CTNNA3: variants seen among roughly 807,000 people sequenced by gnomAD.
CTNNA3 encodes the protein catenin alpha 3, also known as catenin alpha-3.
Under a neutral mutation model 95.7 loss-of-function variants are expected in CTNNA3, and 76 were observed. The observed-to-expected ratio is 0.79, with a 90% CI of 0.66 to 0.96. The LOEUF (loss-of-function observed/expected upper bound fraction) is 0.96. Ranked by LOEUF, CTNNA3 falls within the 40% of genes least tolerant of loss-of-function variation. The pLI is 0.00. For synonymous variants in CTNNA3, 431 were observed against 374.4 expected (o/e 1.15, Z -1.74); for missense variants, 1,191 against 1,089.8 (o/e 1.09, Z -1.31).
At chr10:66,680,265 C>T (rs1397918860) in intron 9 of CTNNA3, among the ~76,000 whole-genome samples, 2 of 151,966 alleles carry the variant, frequency 1.3e-5, no homozygotes, top group Non-Finnish European at 1.5e-5. Context: ...CTCCTGACCT[C>T]GTGATCCTCC....
intron 7 of CTNNA3, among the ~76,000 whole-genome samples, chr10:66,922,615 C>T (rs1846850398): frequency 6.6e-6 from 1 of 152,158 alleles, no homozygotes; most frequent in Admixed American, 6.5e-5. Context: ...AAGTAGGGGC[C>T]ATACACAGTT....
At chr10:67,737,099 G>A (rs925591100) in intron 1 of CTNNA3, among the ~76,000 whole-genome samples, 4 of 151,940 alleles carry the variant, frequency 2.6e-5, no homozygotes, top group Non-Finnish European at 5.9e-5. Context: ...GAGTAGCTGG[G>A]ATTACAGGCA....
At chr10:66,479,768 T>A in intron 11 of CTNNA3, among the ~76,000 whole-genome samples, 1 of 136,958 alleles carries the variant, frequency 7.3e-6, no homozygotes, top group East Asian at 7.2e-4. Context: ...GGTGTGTTTT[T>A]AACTGCATCA....
intron 5 of CTNNA3, among the ~76,000 whole-genome samples, chr10:67,375,588 G>A (rs1408046111): frequency 6.6e-6 from 1 of 151,778 alleles, no homozygotes; most frequent in African/African-American, 2.4e-5. Flanking sequence ...GGGCAATAGA[G>A]CAAGACTCTG....
chr10:66,644,087 G>A (rs1439268440), intron 9 of CTNNA3, among the ~76,000 whole-genome samples: 6 of 151,798 alleles, frequency 4.0e-5, no homozygotes, highest in Non-Finnish European at 8.8e-5. Flanking sequence ...ACAAGCCCCC[G>A]TCTCTGCAAA....
chr10:66,104,935 T>C (rs1350125740), intron 13 of CTNNA3, among the ~76,000 whole-genome samples: 5 of 152,218 alleles, frequency 3.3e-5, no homozygotes, highest in Non-Finnish European at 5.9e-5. Context: ...TCATATTATA[T>C]AGCAAAACTA....
chr10:67,088,501 A>C (rs920731510), intron 7 of CTNNA3, among the ~76,000 whole-genome samples: 2 of 151,936 alleles, frequency 1.3e-5, no homozygotes, highest in Non-Finnish European at 2.9e-5. Context: ...CGGTGCCTGC[A>C]TTACATAAGA....
intron 7 of CTNNA3, among the ~76,000 whole-genome samples, chr10:67,122,065 C>A (rs909157611): frequency 7.0e-6 from 1 of 143,052 alleles, no homozygotes. Flanking sequence ...CAGTCAAGGA[C>A]GTGAAGAAGG....
intron 7 of CTNNA3, among the ~76,000 whole-genome samples, chr10:66,898,912 C>T (rs1440077444): frequency 6.6e-6 from 1 of 152,104 alleles, no homozygotes; most frequent in African/African-American, 2.4e-5. Context: ...AAACAATAAA[C>T]AGAATGAAAA....
chr10:67,584,285 C>T (rs1842537117), intron 3 of CTNNA3, among the ~76,000 whole-genome samples: 1 of 152,184 alleles, frequency 6.6e-6, no homozygotes. Flanking sequence ...TTCCTTCTAA[C>T]AGTCAGGACC....
chr10:66,799,231 G>C (rs1439115216), intron 7 of CTNNA3, among the ~76,000 whole-genome samples: 2 of 151,530 alleles, frequency 1.3e-5, no homozygotes, highest in Non-Finnish European at 3.0e-5. Context: ...TCATGTAAAG[G>C]AGTATAAAAG....
rs191288170 is a variant in CTNNA3, at chr10:66,265,365, C to T, written c.1884+15105G>A. ...GTGGTAGTACTGCTTGATTAACATA[C>T]TTTTGGAAAGTCAACATTCAACAAA... On this transcript the variant is annotated intron_variant, in intron 13 of 17. Transcript: ENST00000433211. 7.3e-4 allele frequency among the ~76,000 whole-genome samples: 111 copies of T among 152,084 alleles called. No homozygotes were observed. In the East Asian group the frequency reaches 0.015, roughly 20 times the overall value.
At chr10:66,968,085 G>A (rs557576061) in intron 7 of CTNNA3, among the ~76,000 whole-genome samples, 2 of 152,084 alleles carry the variant, frequency 1.3e-5, no homozygotes, top group African/African-American at 2.4e-5. Context: ...TTTGCCCCAT[G>A]ACTGCTGAGC....
chr10:66,003,652 T>C (rs534740044), intron 15 of CTNNA3, among the ~76,000 whole-genome samples: 12 of 152,190 alleles, frequency 7.9e-5, no homozygotes, highest in Admixed American at 2.0e-4. Flanking sequence ...GTAAACCAAA[T>C]AATTTTGATT....
intron 5 of CTNNA3, among the ~76,000 whole-genome samples, chr10:67,511,238 A>G (rs1197972546): frequency 6.6e-6 from 1 of 152,140 alleles, no homozygotes; most frequent in East Asian, 1.9e-4. Flanking sequence ...GTTGAATAGG[A>G]GTGGTGAGAG....
intron 15 of CTNNA3, among the ~76,000 whole-genome samples, chr10:66,055,237 A>C (rs2080054097): frequency 1.3e-5 from 2 of 151,868 alleles, no homozygotes; most frequent in South Asian, 4.2e-4. Context: ...TTTTAGGATT[A>C]CTTTTTCTGT....
chr10:66,330,226 C>T (rs1222971443), intron 12 of CTNNA3, among the ~76,000 whole-genome samples: 1 of 151,660 alleles, frequency 6.6e-6, no homozygotes, highest in Non-Finnish European at 1.5e-5. Context: ...CCCCTCTCCC[C>T]ACCCCACAAC....
intron 5 of CTNNA3, among the ~76,000 whole-genome samples, chr10:67,360,704 G>A (rs1474628216): frequency 6.6e-6 from 1 of 152,070 alleles, no homozygotes; most frequent in Non-Finnish European, 1.5e-5. Context: ...CATCTTATAT[G>A]GCAGGAGCAA....
chr10:66,927,023 A>G lies in CTNNA3; in HGVS notation c.1048-151499T>C. On this transcript the variant is annotated intron_variant, in intron 7 of 17. Transcript: ENST00000433211. The surrounding 1 kb of genome is among the most constrained non-coding windows in gnomAD (Gnocchi z 4.7). Reference sequence around the variant, plus strand: ...TCTTCTGCCGAACGAGGATGCCCTAAGGGCTGTAGGTGTGAAGGCAAAATG... The same window carrying G: ...TCTTCTGCCGAACGAGGATGCCCTAGGGGCTGTAGGTGTGAAGGCAAAATG... The G allele has an allele frequency of 6.2e-7, 1 of 1,614,150 alleles. No homozygotes were observed. The highest frequency in any genetic ancestry group is 8.5e-7 in the Non-Finnish European group (1 of 1,180,030).
Sources: allele counts gnomAD v4.1 joint callset (sites outside exome capture counted in the v4.1 genomes callset), GRCh38; gene constraint gnomAD v4.1.1; non-coding constraint Gnocchi (gnomAD v3.1); transcripts MANE v1.5; gene names NCBI Gene and HGNC (gene_info 2026-07-23, HGNC 2026-07-21).